Variants in GRB10 observed in about 807,000 individuals in gnomAD.
GRB10 encodes the protein growth factor receptor bound protein 10, also known as growth factor receptor-bound protein 10.
A neutral mutation model predicts 80.9 loss-of-function variants in GRB10; 20 were observed. The observed-to-expected ratio is 0.25, with a 90% CI of 0.17 to 0.36. GRB10 has a LOEUF of 0.36. GRB10 is among the 10% of genes least tolerant of loss of function. The pLI is 1.00. For missense variants in GRB10, 548 were observed against 747.7 expected, an observed-to-expected ratio of 0.73 and a Z score of 3.12; for synonymous variants, 291 against 291.5, an observed-to-expected ratio of 1.00 and a Z score of 0.02.
In GRB10 at chr7:50,604,374, G is replaced by T. The variant is rs1186208246; in HGVS notation, c.1393C>A (p.Arg465=). 1 of 1,612,334 alleles carries T rather than the reference G, an allele frequency of 6.2e-7. No homozygotes were observed. ...ALEEGHAWRK[R]STRMNILGSQ... is the part of the protein sequence containing the mutation. ...CCTAGGATGTTCATCCGTGTGCTTC[G>T]CTTCTGCAAAAGAAATCCCACATTA... Residue 465 remains arginine (R), a synonymous_variant, in exon 16 of 19, where the codon CGA becomes AGA. Coordinates refer to ENST00000401949, the MANE Select transcript of GRB10 (RefSeq NM_001350814.2).
At chr7:50,728,783 G>C (rs1235599224) in intron 4 of GRB10, among the ~76,000 whole-genome samples, 1 of 152,166 alleles carries the variant, frequency 6.6e-6, no homozygotes, top group Non-Finnish European at 1.5e-5. Context: ...CAATTCTCCT[G>C]CCTCAGCTTC....
chr7:50,704,526 G>A (rs2064765458), intron 4 of GRB10, among the ~76,000 whole-genome samples: 1 of 152,168 alleles, frequency 6.6e-6, no homozygotes, highest in South Asian at 2.1e-4. Context: ...GACTAACTTG[G>A]GGTAGAGAGA....
At chr7:50,659,211 C>T (rs1171373975) in intron 7 of GRB10, among the ~76,000 whole-genome samples, 1 of 152,100 alleles carries the variant, frequency 6.6e-6, no homozygotes, top group East Asian at 1.9e-4. Context: ...TGTAGAATTG[C>T]CAAGAAAACG....
intron 1 of GRB10, among the ~76,000 whole-genome samples, chr7:50,788,457 C>A (rs532976303): frequency 1.3e-5 from 2 of 152,258 alleles, no homozygotes; most frequent in African/African-American, 4.8e-5. Flanking sequence ...CAGAGTGAGA[C>A]CCCTGACAGC....
chr7:50,682,235 C>G (rs913376755), intron 5 of GRB10, among the ~76,000 whole-genome samples: 5 of 152,206 alleles, frequency 3.3e-5, no homozygotes, highest in African/African-American at 1.2e-4. Flanking sequence ...AGCCCCTGAC[C>G]CCTTTGTCCA....
intron 12 of GRB10, among the ~76,000 whole-genome samples, chr7:50,613,136 C>T (rs145153870): frequency 1.8e-4 from 27 of 152,302 alleles, no homozygotes; most frequent in African/African-American, 6.5e-4. Context: ...CACAGGACAA[C>T]GTAATGTGGT....
intron 1 of GRB10, among the ~76,000 whole-genome samples, chr7:50,791,157 A>G (rs1309914676): frequency 2.0e-5 from 3 of 152,238 alleles, no homozygotes; most frequent in African/African-American, 7.2e-5. Flanking sequence ...AGATGACTTT[A>G]GGGGTACACA....
chr7:50,651,301 C>A (rs1006020691), intron 7 of GRB10, among the ~76,000 whole-genome samples: 2 of 152,146 alleles, frequency 1.3e-5, no homozygotes, highest in Non-Finnish European at 1.5e-5. Context: ...CTGATCCTCC[C>A]GAGGTCTGGA....
intron 8 of GRB10, among the ~76,000 whole-genome samples, chr7:50,621,330 G>A (rs921367754): frequency 6.6e-6 from 1 of 152,244 alleles, no homozygotes. Flanking sequence ...CGGGATAACC[G>A]GTGGGCTGTG....
At chr7:50,783,174 G>A (rs144235833), upstream of GRB10, among the ~76,000 whole-genome samples, 122 of 152,316 alleles carry the variant, frequency 8.0e-4, 1 homozygote, top group African/African-American at 2.9e-3. Context: ...CCGCCTGCTC[G>A]AGCAACCTTC....
chr7:50,735,896 AAGC>A (rs1466289086), intron 3 of GRB10, among the ~76,000 whole-genome samples: 1 of 152,230 alleles, frequency 6.6e-6, no homozygotes, highest in African/African-American at 2.4e-5. Flanking sequence ...ACAAAACAAA[AAGC>A]CATCCTAAAA....
In GRB10 at chr7:50,690,282, G is replaced by A. The variant is rs575302094; in HGVS notation, c.139+13539C>T. The stretch of plus-strand genomic sequence containing the variant: ...CTGCACTCCAGCCTGGGCAACAAGA[G>A]CGAAACTCTGTCTCAAACAAACAAA... On this transcript the variant is annotated intron_variant, in intron 5 of 18. Transcript: ENST00000401949. Among the ~76,000 whole-genome samples, 13 of 149,314 alleles carry A rather than the reference G, an allele frequency of 8.7e-5. No homozygotes were observed. In the South Asian group the frequency reaches 2.7e-3, roughly 31 times the overall value.
intron 8 of GRB10, among the ~76,000 whole-genome samples, chr7:50,620,540 A>G (rs2051513682): frequency 6.6e-6 from 1 of 152,196 alleles, no homozygotes; most frequent in African/African-American, 2.4e-5. Flanking sequence ...CGGTTTTGAC[A>G]TTACAAGGAA....
chr7:50,739,805 G>A (rs1202422860), intron 3 of GRB10, among the ~76,000 whole-genome samples: 2 of 152,108 alleles, frequency 1.3e-5, no homozygotes, highest in Non-Finnish European at 2.9e-5. Flanking sequence ...GTGCTGTCCA[G>A]GGCACAGAGA....
upstream of GRB10, among the ~76,000 whole-genome samples, chr7:50,786,364 C>A (rs1212370622): frequency 6.6e-6 from 1 of 152,162 alleles, no homozygotes; most frequent in African/African-American, 2.4e-5. Flanking sequence ...ATCTGAGATT[C>A]CAGCTTCAAT....
At chr7:50,599,342 C>G (rs923504943) in intron 17 of GRB10, among the ~76,000 whole-genome samples, 1 of 152,154 alleles carries the variant, frequency 6.6e-6, no homozygotes, top group African/African-American at 2.4e-5. Context: ...TGCTGTTTTT[C>G]GAGGTGGTTT....
chr7:50,634,499 C>T (rs2054575762), intron 7 of GRB10, among the ~76,000 whole-genome samples: 1 of 152,078 alleles, frequency 6.6e-6, no homozygotes, highest in Admixed American at 6.6e-5. Context: ...TACAAATAAA[C>T]CAGCTAACAA....
intron 4 of GRB10, among the ~76,000 whole-genome samples, chr7:50,718,469 C>T (rs773625661): frequency 8.5e-5 from 13 of 152,076 alleles, no homozygotes; most frequent in Non-Finnish European, 1.6e-4. Flanking sequence ...ACGGCCACTG[C>T]GGCGCCCTCG....
intron 5 of GRB10, among the ~76,000 whole-genome samples, chr7:50,677,083 G>C (rs990700320): frequency 5.3e-5 from 8 of 152,178 alleles, no homozygotes; most frequent in African/African-American, 1.9e-4. Flanking sequence ...CGAAGATGCG[G>C]ACTGGGTGAA....
Sources: gnomAD v4.1 joint callset for allele counts (sites outside exome capture counted in the v4.1 genomes callset) on GRCh38, gnomAD v4.1.1 for gene constraint, MANE v1.5 for transcripts, NCBI Gene and HGNC (gene_info 2026-07-23, HGNC 2026-07-21) for gene names.